The following PTPRN2 variants were observed in gnomAD, a reference collection of about 807,000 sequenced individuals.
PTPRN2 encodes the protein receptor-type tyrosine-protein phosphatase N2.
PTPRN2 carries 74 observed loss-of-function variants against 118.8 expected under a neutral mutation model. The ratio of observed to expected loss-of-function variants is 0.62; its 90% CI spans 0.52 to 0.76. PTPRN2 has a LOEUF of 0.76. PTPRN2 is among the 30% of genes least tolerant of loss of function. PTPRN2 has a pLI of 0.00. For missense variants in PTPRN2, 1,481 were observed against 1,394.4 expected, an observed-to-expected ratio of 1.06 and a Z score of -0.99; for synonymous variants, 641 against 608.0, an observed-to-expected ratio of 1.05 and a Z score of -0.80.
At chr7:158,302,377 G>C (rs1474766712) in intron 3 of PTPRN2, among the ~76,000 whole-genome samples, 4 of 152,232 alleles carry the variant, frequency 2.6e-5, no homozygotes, top group Non-Finnish European at 4.4e-5. Context: ...CCCCAGCCTT[G>C]GTTGGGTCAA....
chr7:158,061,781 A>G (rs1015934466), intron 11 of PTPRN2, among the ~76,000 whole-genome samples: 13 of 152,264 alleles, frequency 8.5e-5, no homozygotes, highest in African/African-American at 2.7e-4. Context: ...CTGTCAAAGC[A>G]TCAAGATGAA....
At chr7:158,527,256 T>C (rs1275115018) in intron 1 of PTPRN2, among the ~76,000 whole-genome samples, 1 of 132,398 alleles carries the variant, frequency 7.6e-6, no homozygotes, top group African/African-American at 2.9e-5. Context: ...TCCCCAGGCC[T>C]CCTCCCCACA....
At chr7:157,751,399 C>A (rs1363238402) in intron 12 of PTPRN2, among the ~76,000 whole-genome samples, 1 of 152,172 alleles carries the variant, frequency 6.6e-6, no homozygotes, top group Non-Finnish European at 1.5e-5. Flanking sequence ...AGGCACCATG[C>A]ATTTAAATTA....
intron 1 of PTPRN2, among the ~76,000 whole-genome samples, chr7:158,538,120 G>T (rs574481807): frequency 6.6e-6 from 1 of 152,340 alleles, no homozygotes; most frequent in East Asian, 1.9e-4. Context: ...CTCTCTTCCG[G>T]ACGCTGGCGG....
At chr7:158,087,266 C>T (rs751595004) in intron 10 of PTPRN2, among the ~76,000 whole-genome samples, 8 of 152,186 alleles carry the variant, frequency 5.3e-5, no homozygotes, top group Non-Finnish European at 8.8e-5. Flanking sequence ...TGCTTTCCTT[C>T]GGGAATGACG....
intron 2 of PTPRN2, among the ~76,000 whole-genome samples, chr7:158,416,397 T>C (rs1202782131): frequency 6.6e-6 from 1 of 152,216 alleles, no homozygotes; most frequent in Non-Finnish European, 1.5e-5. Context: ...ACCGAGTAAC[T>C]ACATAAAGTA....
In PTPRN2 at chr7:157,609,691, C is replaced by A. The variant is rs1195127875; in HGVS notation, c.2345-5616G>T. Among the ~76,000 whole-genome samples, 1 of 152,154 alleles carries A rather than the reference C, an allele frequency of 6.6e-6. No homozygotes were observed. The highest frequency in any genetic ancestry group is 1.9e-4 in the East Asian group (1 of 5,166). On this transcript the variant is annotated intron_variant, in intron 15 of 22. Transcript: ENST00000389418. This position sits in a 1 kb window ranked among gnomAD's most constrained non-coding sequence, Gnocchi z 4.9. ...TCGGAGAATGCAGGATGATAACATACAACTCACAGCACTGTTGTGGTAAAT... is the reference window on the plus strand; with the variant it reads ...TCGGAGAATGCAGGATGATAACATAAAACTCACAGCACTGTTGTGGTAAAT...
chr7:158,372,798 G>GA (rs1054642451), intron 2 of PTPRN2, among the ~76,000 whole-genome samples: 27 of 152,262 alleles, frequency 1.8e-4, no homozygotes, highest in African/African-American at 6.3e-4. Context: ...TTAAGTGCAG[G>GA]AAAAAATATA....
intron 12 of PTPRN2, among the ~76,000 whole-genome samples, chr7:157,827,436 C>T (rs1457487100): frequency 6.8e-6 from 1 of 147,862 alleles, no homozygotes; most frequent in Non-Finnish European, 1.5e-5. Flanking sequence ...TGTCTGGAGG[C>T]CAAGCTCGAT....
chr7:157,715,257 G>A (rs1459265523), intron 12 of PTPRN2, among the ~76,000 whole-genome samples: 1 of 152,218 alleles, frequency 6.6e-6, no homozygotes, highest in Admixed American at 6.5e-5. Context: ...GGGTCGTGGT[G>A]GGAATGAATG....
At chr7:157,631,215 G>C (rs1210023609) in intron 14 of PTPRN2, among the ~76,000 whole-genome samples, 1 of 152,172 alleles carries the variant, frequency 6.6e-6, no homozygotes, top group Non-Finnish European at 1.5e-5. Flanking sequence ...AACCATTAAG[G>C]TAGTGGAGAA....
chr7:158,376,657 A>G (rs1271027255), intron 2 of PTPRN2, among the ~76,000 whole-genome samples: 7 of 85,126 alleles, frequency 8.2e-5, no homozygotes, highest in African/African-American at 3.0e-4. Flanking sequence ...CACGTCCTGC[A>G]TGCGGGGTCA....
intron 12 of PTPRN2, among the ~76,000 whole-genome samples, chr7:157,849,496 G>A (rs1222654657): frequency 3.3e-5 from 5 of 152,182 alleles, no homozygotes; most frequent in African/African-American, 7.2e-5. Flanking sequence ...GCAGCCCCAC[G>A]CCACTCAGAG....
At chr7:158,302,182 C>T (rs1800942583) in intron 3 of PTPRN2, among the ~76,000 whole-genome samples, 1 of 152,210 alleles carries the variant, frequency 6.6e-6, no homozygotes, top group Non-Finnish European at 1.5e-5. Context: ...AGCCACACTG[C>T]TGCTTCCTGG....
chr7:158,123,646 C>T (rs1353327251), intron 9 of PTPRN2, among the ~76,000 whole-genome samples: 1 of 152,210 alleles, frequency 6.6e-6, no homozygotes, highest in Non-Finnish European at 1.5e-5. Flanking sequence ...GGCAGAAAAT[C>T]AATAGAGGAA....
Position 158,192,374 on chromosome 7 carries a change from C to A in PTPRN2, c.502G>T (p.Asp168Tyr). ...LEALSQAPAS[D>Y]VLARTHTAQD... ...GCCGTATGGGTCCTGGCGAGCACGT[C>A]TGAGGCTGGGGCCTGGGACAGGGCC... is the stretch of plus-strand genomic sequence containing the variant. The change falls in exon 5 of 23, where the codon GAC becomes TAC. Residue 168 changes from aspartate (D) to tyrosine (Y), a missense_variant. By Grantham distance (160) the Asp-to-Tyr change is radical. Coordinates refer to ENST00000389418, the MANE Select transcript of PTPRN2 (RefSeq NM_002847.5). 5.9e-6 allele frequency: 9 copies of A among 1,526,630 alleles called. No homozygotes were observed. The highest frequency in any genetic ancestry group is 7.8e-6 in the Non-Finnish European group (9 of 1,148,924). The allele number at this position is 1,526,630 out of a possible 1,614,324, so 94.6% of individuals were successfully genotyped here.
intron 2 of PTPRN2, among the ~76,000 whole-genome samples, chr7:158,328,659 T>G (rs1383732756): frequency 6.6e-6 from 1 of 151,972 alleles, no homozygotes; most frequent in African/African-American, 2.4e-5. Context: ...CAGATCCCAG[T>G]GAGGCCTGGG....
intron 6 of PTPRN2, among the ~76,000 whole-genome samples, chr7:158,149,435 A>G (rs535413910): frequency 2.2e-5 from 3 of 139,262 alleles, no homozygotes; most frequent in East Asian, 4.6e-4. Context: ...ACCTTTTCTC[A>G]AGAGGTAAAA....
At chr7:158,170,624 C>T (rs547704144) in intron 5 of PTPRN2, among the ~76,000 whole-genome samples, 11 of 152,340 alleles carry the variant, frequency 7.2e-5, no homozygotes, top group Admixed American at 3.9e-4. Context: ...CAAGCCACTC[C>T]GGCTACTCAA....
Sources: allele counts gnomAD v4.1 joint callset (sites outside exome capture counted in the v4.1 genomes callset), GRCh38; gene constraint gnomAD v4.1.1; non-coding constraint Gnocchi (gnomAD v3.1); transcripts MANE v1.5; gene names NCBI Gene and HGNC (gene_info 2026-07-23, HGNC 2026-07-21).